The following SEPTIN11 variants were observed in gnomAD, a reference collection of about 807,000 sequenced individuals.
SEPTIN11 encodes the protein septin 11, also known as septin-11.
A neutral mutation model predicts 51.4 loss-of-function variants in SEPTIN11; 25 were observed. The ratio of observed to expected loss-of-function variants is 0.49; its 90% confidence interval spans 0.35 to 0.68. The LOEUF is 0.68. Ranked by LOEUF, SEPTIN11 falls within the 30% of genes least tolerant of loss-of-function variation. The pLI is 0.00. For missense variants in SEPTIN11, 381 were observed against 520.8 expected, an observed-to-expected ratio of 0.73 and a Z score of 2.61; for synonymous variants, 174 against 184.1, an observed-to-expected ratio of 0.95 and a Z score of 0.44.
At chr4:76,990,233 T>C (rs10018141) in intron 1 of SEPTIN11, among the ~76,000 whole-genome samples, 79,992 of 151,892 alleles carry the variant, frequency 0.53, 21,857 homozygotes, top group Middle Eastern at 0.62. Flanking sequence ...TTACAATCCT[T>C]TTGCTACAGA....
intron 1 of SEPTIN11, among the ~76,000 whole-genome samples, chr4:76,959,433 CAAAA>C (rs1191006431): frequency 1.4e-5 from 2 of 145,750 alleles, no homozygotes; most frequent in Non-Finnish European, 3.0e-5. Flanking sequence ...AAAGTAGACT[CAAAA>C]AAAAAAATTT....
chr4:76,997,290 G>A (rs1279892370), intron 2 of SEPTIN11, among the ~76,000 whole-genome samples: 1 of 152,062 alleles, frequency 6.6e-6, no homozygotes, highest in Non-Finnish European at 1.5e-5. Context: ...CTTTGAGACA[G>A]ATCAAAGAAT....
intron 8 of SEPTIN11, 32 bp from the exon 9 acceptor site, chr4:77,030,743 TTCATTCCA>T (rs1346054026): frequency 1.9e-6 from 3 of 1,550,650 alleles, no homozygotes; most frequent in Non-Finnish European, 2.6e-6. Context: ...CAAAAGGATT[TTCATTCCA>T]TTCACCAAGC....
intron 1 of SEPTIN11, among the ~76,000 whole-genome samples, chr4:76,954,145 T>C (rs1392791254): frequency 6.6e-6 from 1 of 152,254 alleles, no homozygotes; most frequent in Non-Finnish European, 1.5e-5. Flanking sequence ...CCTACTTGAT[T>C]GATTGCCAGC....
At chr4:77,015,543 G>A (rs1438289881) in intron 5 of SEPTIN11, among the ~76,000 whole-genome samples, 2 of 152,188 alleles carry the variant, frequency 1.3e-5, no homozygotes, top group South Asian at 2.1e-4. Flanking sequence ...TGATTGTGAT[G>A]TAATCCCTCC....
chr4:76,974,696 G>T, intron 1 of SEPTIN11: 1 of 454,314 alleles, frequency 2.2e-6, no homozygotes, highest in Admixed American at 2.4e-5. Flanking sequence ...TTGTGTTTAG[G>T]ACCCTGGACA....
chr4:77,034,590 G>GTTTTA lies in SEPTIN11; in HGVS notation c.*98_*102dup, dbSNP rs28969609. On this transcript the variant is annotated 3_prime_UTR_variant, in exon 10 of 10. Coordinates refer to ENST00000264893, the MANE Select transcript of SEPTIN11 (RefSeq NM_018243.4). ...GTATCTCTGCCATGTGTGTTCTTTA[G>GTTTTA]TTTTATTTTATTTTATTTTATTTTT... The GTTTTA allele has an allele frequency of 5.5e-5, 79 of 1,432,508 alleles. No homozygotes were observed. The highest frequency in any genetic ancestry group is 1.2e-4 in the African/African-American group (8 of 66,546). 88.7% of individuals were successfully genotyped at this position (1,432,508 alleles called of 1,614,324 possible). A position where few individuals can be genotyped will look rare whatever the true frequency, so the allele number is the denominator to read the frequency against.
Position 77,025,294 on chromosome 4 carries a change from C to T in SEPTIN11, c.954-3335C>T, listed in dbSNP as rs142935526. 4.6e-5 allele frequency among the ~76,000 whole-genome samples: 7 copies of T among 152,108 alleles called. No homozygotes were observed. In the East Asian group the frequency reaches 9.7e-4, roughly 21 times the overall value. On this transcript the variant is annotated intron_variant, in intron 7 of 9. Transcript: ENST00000264893. ...GCTCACACCTGAAATCCCAGCACTC[C>T]GGGAGGCTGAGGTAGGAGGATCACC...
Position 77,024,876 on chromosome 4 carries a change from T to C in SEPTIN11, c.954-3753T>C, listed in dbSNP as rs759174943. On this transcript the variant is annotated intron_variant, in intron 7 of 9. Coordinates refer to ENST00000264893, the MANE Select transcript of SEPTIN11 (RefSeq NM_018243.4). This position sits in a 1 kb window ranked among gnomAD's most constrained non-coding sequence, Gnocchi z 4.2. ...GGAGGTGATAGTAATGGCTACCTTA[T>C]TGGGTTGTTGTAAGGATTAAATGAA... Among the ~76,000 whole-genome samples, 2 of 152,112 alleles carry C rather than the reference T, an allele frequency of 1.3e-5. No homozygotes were observed. The highest frequency in any genetic ancestry group is 1.5e-5 in the Non-Finnish European group (1 of 68,006).
chr4:76,978,740 G>A (rs1171182500), intron 1 of SEPTIN11, among the ~76,000 whole-genome samples: 1 of 152,196 alleles, frequency 6.6e-6, no homozygotes, highest in Non-Finnish European at 1.5e-5. Flanking sequence ...CTTTATACTT[G>A]TGAACTTTAG....
At chr4:77,012,049 A>G (rs1724901885) in intron 4 of SEPTIN11, 128 bp downstream of exon 4, 1 of 644,840 alleles carries the variant, frequency 1.6e-6, no homozygotes, top group Non-Finnish European at 2.4e-6. Context: ...GTTTGACAGC[A>G]TGAGAAAAAC....
Position 77,017,893 on chromosome 4 carries a change from T to C in SEPTIN11, c.688-1272T>C, listed in dbSNP as rs77565405. ...CAGTTGTCTTGGACACCATCTCTACTTCAGATAAATCTGGGTGCATAGCTT... is the reference window on the plus strand; with the variant it reads ...CAGTTGTCTTGGACACCATCTCTACCTCAGATAAATCTGGGTGCATAGCTT... On this transcript the variant is annotated intron_variant, in intron 5 of 9. Transcript: ENST00000264893. Among the ~76,000 whole-genome samples the C allele has an allele frequency of 3.8e-3, 574 of 152,318 alleles. 3 individuals carry two copies. The highest frequency in any genetic ancestry group is 0.013 in the African/African-American group (534 of 41,574).
chr4:77,023,199 C>T (rs1335936006), intron 7 of SEPTIN11, among the ~76,000 whole-genome samples: 2 of 151,070 alleles, frequency 1.3e-5, no homozygotes, highest in Admixed American at 6.6e-5. Context: ...TTATCCATGT[C>T]TCCCCTCCCC....
At chr4:77,034,365 A>G (rs558341763) in intron 9 of SEPTIN11, 132 bp from the exon 10 acceptor site, 3 of 825,954 alleles carry the variant, frequency 3.6e-6, no homozygotes, top group African/African-American at 3.6e-5. Context: ...TTTTGGTTTT[A>G]ATTTCTGTCA....
chr4:76,996,529 C>G lies in SEPTIN11; in HGVS notation c.132C>G (p.Ile44Met). 1 of 1,612,492 alleles carries G rather than the reference C, an allele frequency of 6.2e-7. No individual in the cohort carries two copies. The part of the protein sequence containing the change: ...KSTSQGFCFN[I>M]LCVGETGIGK... ...CTTCTCAAGGATTCTGTTTCAACATCCTTTGTGTTGGTAAGTTATTCATCA... is the reference window on the plus strand; with the variant it reads ...CTTCTCAAGGATTCTGTTTCAACATGCTTTGTGTTGGTAAGTTATTCATCA... Residue 44 changes from isoleucine to methionine, a missense_variant, in exon 2 of 10, where the codon ATC (isoleucine) becomes ATG (methionine). Physicochemically the swap from Ile to Met is conservative, Grantham distance 10. Coordinates refer to ENST00000264893, the MANE Select transcript of SEPTIN11 (RefSeq NM_018243.4).
chr4:76,964,773 C>T (rs1379455008), intron 1 of SEPTIN11, among the ~76,000 whole-genome samples: 1 of 152,226 alleles, frequency 6.6e-6, no homozygotes, highest in East Asian at 1.9e-4. Context: ...TAATTTAAAA[C>T]ACTTAAACAT....
intron 1 of SEPTIN11, chr4:76,959,109 T>G: frequency 1.5e-6 from 1 of 647,856 alleles, no homozygotes; most frequent in Non-Finnish European, 3.0e-6. Flanking sequence ...ACTACAAGTT[T>G]ATTGCCTGCG....
At chr4:76,949,968 C>T (rs1721247419) in intron 1 of SEPTIN11, 38 bp downstream of exon 1, 2 of 1,434,430 alleles carry the variant, frequency 1.4e-6, no homozygotes, top group Non-Finnish European at 1.8e-6. Flanking sequence ...CCTCGGGCGC[C>T]GGGTGGTCTC....
At chr4:76,959,856 T>A (rs746066032) in intron 1 of SEPTIN11, among the ~76,000 whole-genome samples, 7 of 152,204 alleles carry the variant, frequency 4.6e-5, no homozygotes, top group Admixed American at 2.0e-4. Context: ...TTGAATTTTT[T>A]ATTTTTGTGG....
Sources: gnomAD v4.1 joint callset for allele counts (sites outside exome capture counted in the v4.1 genomes callset) on GRCh38, gnomAD v4.1.1 for gene constraint, Gnocchi (gnomAD v3.1) non-coding constraint, MANE v1.5 for transcripts, NCBI Gene and HGNC (gene_info 2026-07-23, HGNC 2026-07-21) for gene names.